TASL: variants seen among roughly 807,000 people sequenced by gnomAD.
The protein encoded by TASL is TLR adapter interacting with SLC15A4 on the lysosome.
In TASL, 6 loss-of-function variants were observed where a neutral mutation model predicts 12.9. The ratio of observed to expected loss-of-function variants is 0.46; its 90% CI spans 0.25 to 0.92. The LOEUF (loss-of-function observed/expected upper bound fraction) is 0.92, where lower values mean the gene tolerates loss of function less well. TASL is among the 40% of genes least tolerant of loss of function. The pLI is 0.17. For missense variants in TASL, 165 were observed against 212.8 expected, an observed-to-expected ratio of 0.78 and a Z score of 1.40; for synonymous variants, 85 against 79.3, an observed-to-expected ratio of 1.07 and a Z score of -0.38.
rs747178131 is a variant in TASL, at chrX:30,571,280, AAG to A, written c.-2+5470_-2+5471del. On this transcript the variant is annotated intron_variant, in intron 2 of 2. Coordinates refer to ENST00000378962, the MANE Select transcript of TASL (RefSeq NM_025159.3). ...AGAGAAAGAAAGAAAGAAAGAAAGA[AAG>A]AAAGAAAGAAAGAAAGAAAGAAAGA... Among the ~76,000 whole-genome samples the A allele has an allele frequency of 3.7e-3, 298 of 79,986 alleles. 9 individuals carry two copies. Among genetic ancestry groups the A allele is most frequent in the Middle Eastern group, 0.019 (3 of 159 alleles). 69.5% of individuals were successfully genotyped at this position (79,986 alleles called of 115,157 possible).
At chrX:30,575,747 T>C (rs1205025738) in intron 2 of TASL, among the ~76,000 whole-genome samples, 3 of 111,938 alleles carry the variant, frequency 2.7e-5, no homozygotes, top group Admixed American at 1.9e-4. Context: ...TAGATTCTTA[T>C]GACCAAAGTT....
rs1260028109 is a variant in TASL, at chrX:30,574,683, G to A, written c.-2+2069C>T. 6.3e-5 allele frequency among the ~76,000 whole-genome samples: 7 copies of A among 111,881 alleles called. No homozygotes were observed. In the East Asian group the frequency reaches 2.0e-3, roughly 31 times the overall value. On this transcript the variant is annotated intron_variant, in intron 2 of 2. Transcript: ENST00000378962. The stretch of plus-strand genomic sequence containing the variant: ...TGTGATCTTGAGCCTAGCTAGCAGG[G>A]GTACAGTTTGGCTTCTACCTGTCAA...
At chrX:30,571,244 A>G (rs868701343) in intron 2 of TASL, among the ~76,000 whole-genome samples, 5 of 25,946 alleles carry the variant, frequency 1.9e-4, no homozygotes, top group Admixed American at 6.5e-4. Flanking sequence ...AGGAAGGAAA[A>G]AGAGAAAGAA....
chrX:30,564,840 G>A (rs1013156208), intron 2 of TASL, among the ~76,000 whole-genome samples: 19 of 111,623 alleles, frequency 1.7e-4, no homozygotes, highest in African/African-American at 5.5e-4. Context: ...CCTTAAACTC[G>A]GATAGCCTGA....
At chrX:30,577,009 G>T (rs1271084707) in intron 1 of TASL, 143 bp from the exon 2 acceptor site, 5 of 112,215 alleles carry the variant, frequency 4.5e-5, no homozygotes, top group Non-Finnish European at 9.4e-5. Flanking sequence ...TCGTACATGC[G>T]CTATCTTTAA....
chrX:30,571,274 G>GAAAGAAAGAA (rs1555998461), intron 2 of TASL, among the ~76,000 whole-genome samples: 3,191 of 59,916 alleles, frequency 0.053, 173 homozygotes, highest in Non-Finnish European at 0.078. Flanking sequence ...AAGAAAGAAA[G>GAAAGAAAGAA]AAAGAAAGAA....
At chrX:30,561,158 A>C (rs1413355845) in intron 2 of TASL, among the ~76,000 whole-genome samples, 1 of 112,005 alleles carries the variant, frequency 8.9e-6, no homozygotes, top group Admixed American at 9.5e-5. Context: ...GTATGAAATT[A>C]ATTTGTGCTC....
intron 2 of TASL, among the ~76,000 whole-genome samples, chrX:30,561,358 C>T (rs1353280319): frequency 9.0e-6 from 1 of 111,377 alleles, no homozygotes; most frequent in African/African-American, 3.3e-5. Flanking sequence ...CCTCCCTACC[C>T]CCAGCAATTG....
chrX:30,568,593 C>T (rs1190018476), intron 2 of TASL, among the ~76,000 whole-genome samples: 5 of 110,843 alleles, frequency 4.5e-5, no homozygotes, highest in Non-Finnish European at 9.4e-5. Context: ...CCGAATCCCC[C>T]CTTTAGGACC....
chrX:30,568,237 C>CAAAT (rs1413707429), intron 2 of TASL, among the ~76,000 whole-genome samples: 1 of 92,744 alleles, frequency 1.1e-5, no homozygotes, highest in Admixed American at 1.2e-4. Context: ...GGCTCTGTCT[C>CAAAT]AAATAAATAA....
chrX:30,571,566 T>C (rs931721985), intron 2 of TASL, among the ~76,000 whole-genome samples: 2 of 104,474 alleles, frequency 1.9e-5, no homozygotes, highest in South Asian at 8.8e-4. Context: ...GGGCAGAGGT[T>C]GCAGTGAGCT....
chrX:30,566,167 G>T (rs938904607), intron 2 of TASL, among the ~76,000 whole-genome samples: 8 of 111,199 alleles, frequency 7.2e-5, no homozygotes, highest in African/African-American at 2.3e-4. Context: ...TAATTAATTT[G>T]TTTCTGTATT....
Position 30,559,950 on chromosome X carries a change from C to T in TASL, c.406G>A (p.Ala136Thr). ...AAATCTGTTGTCACTGAATTAATGG[C>T]CATCACCTGGCCCCCTGCAATCTGT... ...DLQIAGGQVM[A>T]INSVTTDFPS... is the part of the protein sequence containing the mutation. The change falls in exon 3 of 3, where the codon GCC (alanine) becomes ACC (threonine). Residue 136 changes from alanine to threonine, a missense_variant. By Grantham distance (58) the Ala-to-Thr change is moderately conservative (BLOSUM62 0). Coordinates refer to ENST00000378962, the MANE Select transcript of TASL (RefSeq NM_025159.3). 1 of 1,211,101 alleles carries T rather than the reference C, an allele frequency of 8.3e-7. No homozygotes were observed. Among genetic ancestry groups the T allele is most frequent in the Non-Finnish European group, 1.1e-6 (1 of 895,125 alleles).
At chrX:30,572,745 T>C (rs1930646376) in intron 2 of TASL, among the ~76,000 whole-genome samples, 1 of 112,277 alleles carries the variant, frequency 8.9e-6, no homozygotes, top group African/African-American at 3.2e-5. Context: ...ACTTTTTTTA[T>C]ACAAGGCCAG....
chrX:30,570,972 G>C (rs1439957268), intron 2 of TASL, among the ~76,000 whole-genome samples: 1 of 109,375 alleles, frequency 9.1e-6, no homozygotes, highest in Non-Finnish European at 1.9e-5. Context: ...CCTGAGGTCG[G>C]GAGTTCGAGA....
At chrX:30,564,444 GAATGTGAAATGATA>G (rs1188559376) in intron 2 of TASL, among the ~76,000 whole-genome samples, 1,711 of 110,878 alleles carry the variant, frequency 0.015, 19 homozygotes, top group Non-Finnish European at 0.025. Flanking sequence ...CTCCTCTCAT[GAATGTGAAATGATA>G]GAACACTTGG....
At chrX:30,575,974 AC>A (rs1417995406) in intron 2 of TASL, among the ~76,000 whole-genome samples, 6 of 111,824 alleles carry the variant, frequency 5.4e-5, no homozygotes, top group Non-Finnish European at 1.1e-4. Context: ...AAAATAAGAA[AC>A]CTATCATAAT....
intron 2 of TASL, among the ~76,000 whole-genome samples, chrX:30,574,722 A>G (rs1044068953): frequency 1.8e-5 from 2 of 112,278 alleles, no homozygotes; most frequent in Admixed American, 9.5e-5. Context: ...GTCTGCTTAC[A>G]GAGATATAAT....
intron 2 of TASL, among the ~76,000 whole-genome samples, chrX:30,575,707 T>A (rs58773563): frequency 0.2 from 22,443 of 111,083 alleles, 2,168 homozygotes; most frequent in East Asian, 0.66. Flanking sequence ...TATTACCAAG[T>A]AAATAAATAA....
Sources: allele counts gnomAD v4.1 joint callset (sites outside exome capture counted in the v4.1 genomes callset), GRCh38; gene constraint gnomAD v4.1.1; transcripts MANE v1.5; gene names NCBI Gene and HGNC (gene_info 2026-07-23, HGNC 2026-07-21).